Variants in EIF3B observed in about 807,000 individuals in gnomAD.
The protein encoded by EIF3B is eukaryotic translation initiation factor 3 subunit B.
In EIF3B, 10 loss-of-function variants were observed where a neutral mutation model predicts 104.6. The ratio of observed to expected loss-of-function variants is 0.10; its 90% CI spans 0.06 to 0.16. The LOEUF is 0.16. Among genes scored for constraint, EIF3B ranks in the 10% least tolerant of loss-of-function variants. The pLI is 1.00. For missense variants in EIF3B, 1,014 were observed against 1,087.9 expected, an observed-to-expected ratio of 0.93 and a Z score of 0.96; for synonymous variants, 542 against 417.2, an observed-to-expected ratio of 1.30 and a Z score of -3.65.
chr7:2,362,781 C>G lies in EIF3B; in HGVS notation c.812+17C>G. 1 of 1,613,858 alleles carries G rather than the reference C, an allele frequency of 6.2e-7. No individual in the cohort carries two copies. The highest frequency in any genetic ancestry group is 1.3e-5 in the African/African-American group (1 of 75,000). ...TTTTGACAAGTGAGTTCAGACTTGG[C>G]CACAAGGAAGTGGACGTTGACGTGC... On this transcript the variant is annotated intron_variant, in intron 3 of 18. Transcript: ENST00000360876.
At chr7:2,364,649 C>T (rs1429666115) in intron 6 of EIF3B, 120 bp downstream of exon 6, 11 of 887,598 alleles carry the variant, frequency 1.2e-5, no homozygotes, top group Non-Finnish European at 1.7e-5. Context: ...GTATGCAGAA[C>T]GCTAATAAGC....
intron 8 of EIF3B, 39 bp downstream of exon 8, chr7:2,366,630 C>T (rs1433114739): frequency 1.2e-6 from 2 of 1,608,282 alleles, no homozygotes; most frequent in Non-Finnish European, 1.7e-6. Flanking sequence ...CCGTCCGGTC[C>T]TTGCTTGTAA....
upstream of EIF3B, chr7:2,354,791 C>T (rs561931346): frequency 5.2e-4 from 396 of 766,244 alleles, 1 homozygote; most frequent in Non-Finnish European, 5.8e-4. Context: ...CGCCCCCCGC[C>T]CCGCGGCCTT....
At chr7:2,363,382 C>T (rs1779843641) in intron 4 of EIF3B, among the ~76,000 whole-genome samples, 1 of 97,422 alleles carries the variant, frequency 1.0e-5, no homozygotes, top group African/African-American at 3.0e-5. Flanking sequence ...TCACTTGAGC[C>T]TGGGAGGTTG....
At chr7:2,378,993 G>A in intron 16 of EIF3B, 141 bp from the exon 17 acceptor site, 1 of 797,048 alleles carries the variant, frequency 1.3e-6, no homozygotes, top group Non-Finnish European at 2.0e-6. Flanking sequence ...TGGGGGAAAA[G>A]TGAGAATGAA....
intron 5 of EIF3B, 92 bp downstream of exon 5, chr7:2,363,852 G>A: frequency 7.0e-7 from 1 of 1,419,506 alleles, no homozygotes. Flanking sequence ...AACTGGAAGA[G>A]CAGGTGACGT....
chr7:2,371,996 A>G (rs1209643492), intron 11 of EIF3B, 147 bp downstream of exon 11: 8 of 672,282 alleles, frequency 1.2e-5, no homozygotes, highest in Non-Finnish European at 1.9e-5. Flanking sequence ...AGGTCACAGA[A>G]CGTGTTTAGA....
Position 2,380,559 on chromosome 7 carries a change from A to G in EIF3B, c.*370A>G. 2.6e-6 allele frequency: 1 copy of G among 388,258 alleles called. No individual in the cohort carries two copies. The highest frequency in any genetic ancestry group is 1.9e-5 in the South Asian group (1 of 52,560). 24.1% of individuals were successfully genotyped at this position (388,258 alleles called of 1,614,324 possible). The stretch of plus-strand genomic sequence containing the variant: ...TTCTCCTGCGCCCAGTGATGTTTCC[A>G]CGGTGCCTGTACACAGCCGAGCAGC... On this transcript the variant is annotated 3_prime_UTR_variant, in exon 19 of 19. Coordinates refer to ENST00000360876, the MANE Select transcript of EIF3B (RefSeq NM_001037283.2).
intron 15 of EIF3B, 84 bp from the exon 16 acceptor site, chr7:2,378,605 C>A: frequency 1.6e-6 from 2 of 1,228,252 alleles, no homozygotes; most frequent in Non-Finnish European, 2.4e-6. Context: ...CTTTGGGTGT[C>A]ATGTCATGTT....
At chr7:2,363,908 C>A in intron 5 of EIF3B, 148 bp downstream of exon 5, 1 of 948,988 alleles carries the variant, frequency 1.1e-6, no homozygotes, top group Non-Finnish European at 1.5e-6. Context: ...TCTTTTATTC[C>A]TCTTCCAGCT....
Position 2,380,650 on chromosome 7 carries a change from G to C in EIF3B, c.*461G>C, listed in dbSNP as rs919241109. The C allele has an allele frequency of 4.0e-5, 9 of 223,636 alleles. 1 individual carries two copies. The highest frequency in any genetic ancestry group is 6.5e-5 in the Non-Finnish European group (7 of 108,292). 13.9% of individuals were successfully genotyped at this position (223,636 alleles called of 1,614,324 possible). On this transcript the variant is annotated 3_prime_UTR_variant, in exon 19 of 19. Coordinates refer to ENST00000360876, the MANE Select transcript of EIF3B (RefSeq NM_001037283.2). Reference sequence around the variant, plus strand: ...TGGACGTGTCCCGGAGACCCACCGGGAGGGCGCCGCCATGCCTTGTACCCC... The same window carrying C: ...TGGACGTGTCCCGGAGACCCACCGGCAGGGCGCCGCCATGCCTTGTACCCC...
intron 13 of EIF3B, chr7:2,374,910 T>TC (rs1291850065): frequency 1.8e-5 from 6 of 335,022 alleles, no homozygotes; most frequent in Non-Finnish European, 3.3e-5. Context: ...TCCAGTAACC[T>TC]CCCCCCGGGG....
At chr7:2,365,667 G>A (rs1309267106) in intron 6 of EIF3B, among the ~76,000 whole-genome samples, 1 of 107,852 alleles carries the variant, frequency 9.3e-6, no homozygotes, top group Non-Finnish European at 2.1e-5. Flanking sequence ...TTGTTTGTTT[G>A]TTTGTTTGTT....
intron 9 of EIF3B, among the ~76,000 whole-genome samples, chr7:2,367,442 C>T (rs910039049): frequency 6.6e-6 from 1 of 152,134 alleles, no homozygotes; most frequent in South Asian, 2.1e-4. Flanking sequence ...AGTTGGTTTC[C>T]TTTATTTGCT....
intron 17 of EIF3B, 64 bp from the exon 18 acceptor site, chr7:2,379,330 C>G (rs1780867586): frequency 6.4e-7 from 1 of 1,551,982 alleles, no homozygotes. Flanking sequence ...TTCCTTCCCA[C>G]TGGCCTCGGC....
At chr7:2,364,552 G>A (rs930148465) in intron 6 of EIF3B, 23 bp downstream of exon 6, 1 of 1,603,710 alleles carries the variant, frequency 6.2e-7, no homozygotes, top group African/African-American at 1.3e-5. Flanking sequence ...AAAAACACAG[G>A]GGAGTCTATG....
At chr7:2,377,108 C>G in intron 15 of EIF3B, 33 bp downstream of exon 15, 3 of 1,576,442 alleles carry the variant, frequency 1.9e-6, no homozygotes, top group South Asian at 2.3e-5. Context: ...GTGCAGGGCA[C>G]ATGGAGGCAA....
chr7:2,373,955 G>A (rs1780498331), intron 12 of EIF3B: 1 of 152,300 alleles, frequency 6.6e-6, no homozygotes, highest in Admixed American at 6.5e-5. Flanking sequence ...ATGTACCACA[G>A]GCTGAGGGGA....
At chr7:2,360,039 C>A (rs758436411) in intron 1 of EIF3B, among the ~76,000 whole-genome samples, 35 of 152,168 alleles carry the variant, frequency 2.3e-4, no homozygotes, top group Non-Finnish European at 4.4e-4. Flanking sequence ...TGGGGAAGCT[C>A]ACCCCAGACG....
Sources: allele counts gnomAD v4.1 joint callset (sites outside exome capture counted in the v4.1 genomes callset), GRCh38; gene constraint gnomAD v4.1.1; transcripts MANE v1.5; gene names NCBI Gene and HGNC (gene_info 2026-07-23, HGNC 2026-07-21).